Variants in EDIL3 observed in about 807,000 individuals in gnomAD.
EDIL3 encodes the protein EGF like and discoidin domains 3, also known as EGF-like repeat and discoidin I-like domain-containing protein 3.
A neutral mutation model predicts 67.4 loss-of-function variants in EDIL3; 37 were observed. The ratio of observed to expected loss-of-function variants is 0.55; its 90% CI spans 0.42 to 0.72. EDIL3 has a LOEUF of 0.72. Ranked by LOEUF, EDIL3 falls within the 30% of genes least tolerant of loss-of-function variation. The probability of loss-of-function intolerance (pLI) is 0.00; values close to 1 mark genes in which losing one functional copy is unlikely to be tolerated. For missense variants in EDIL3, 527 were observed against 586.3 expected, an observed-to-expected ratio of 0.90 and a Z score of 1.04; for synonymous variants, 195 against 196.3, an observed-to-expected ratio of 0.99 and a Z score of 0.05.
At chr5:83,976,204 T>G (rs758881665) in intron 9 of EDIL3, among the ~76,000 whole-genome samples, 3 of 151,832 alleles carry the variant, frequency 2.0e-5, no homozygotes, top group Non-Finnish European at 4.4e-5. Context: ...TTTTGTAGAG[T>G]AGCATTTTCT....
At position 84,064,839 on chromosome 5, in the gene EDIL3, A is replaced by C. The variant is rs1414476040; in HGVS notation, c.813T>G (p.Phe271Leu). ...GAGTGTTGTTATCAATGTTTCCACGAAACACCTGTGTAAAAACAGTTTAAA... is the reference window on the plus strand; with the variant it reads ...GAGTGTTGTTATCAATGTTTCCACGCAACACCTGTGTAAAAACAGTTTAAA... ...KVKGTNEDMV[F>L]RGNIDNNTPY... Residue 271 changes from phenylalanine to leucine, a missense_variant, in exon 8 of 11, where the codon TTT (phenylalanine) becomes TTG (leucine). This residue lies in a region of EDIL3 where 494 missense variants were observed against 522.5 expected (regional missense o/e 0.95). Coordinates refer to ENST00000296591, the MANE Select transcript of EDIL3 (RefSeq NM_005711.5). 1.2e-6 allele frequency: 2 copies of C among 1,608,636 alleles called. No individual in the cohort carries two copies. Among genetic ancestry groups the C allele is most frequent in the South Asian group, 1.1e-5 (1 of 89,672 alleles).
chr5:84,044,641 C>G (rs1746188680), intron 9 of EDIL3, among the ~76,000 whole-genome samples: 1 of 152,082 alleles, frequency 6.6e-6, no homozygotes, highest in Admixed American at 6.6e-5. Context: ...AAAGGGTCAT[C>G]TGGATAATGG....
chr5:84,288,093 C>T (rs1490341135), intron 1 of EDIL3, among the ~76,000 whole-genome samples: 2 of 152,170 alleles, frequency 1.3e-5, no homozygotes, highest in Non-Finnish European at 2.9e-5. Context: ...CTGATAATTT[C>T]CCCAGACCTA....
At chr5:84,114,669 A>G (rs996846838) in intron 5 of EDIL3, among the ~76,000 whole-genome samples, 1 of 152,162 alleles carries the variant, frequency 6.6e-6, no homozygotes, top group Non-Finnish European at 1.5e-5. Context: ...AATTAGTTAA[A>G]CTTACTTGGA....
intron 6 of EDIL3, among the ~76,000 whole-genome samples, chr5:84,074,781 G>T (rs1024428604): frequency 4.5e-4 from 68 of 152,240 alleles, no homozygotes; most frequent in Non-Finnish European, 8.8e-4. Context: ...CATTGTGGAA[G>T]TCAGTGTGGC....
At chr5:84,082,308 ATAAAAAGTT>A (rs1746985294) in intron 6 of EDIL3, among the ~76,000 whole-genome samples, 1 of 152,232 alleles carries the variant, frequency 6.6e-6, no homozygotes, top group African/African-American at 2.4e-5. Context: ...AATATCACAA[ATAAAAAGTT>A]AAAAGGTACT....
chr5:84,238,623 G>A (rs756531035), intron 2 of EDIL3, among the ~76,000 whole-genome samples: 1 of 132,588 alleles, frequency 7.5e-6, no homozygotes, highest in Non-Finnish European at 1.6e-5. Flanking sequence ...CTGCTTTAGA[G>A]GATTTTTTTT....
intron 9 of EDIL3, among the ~76,000 whole-genome samples, chr5:84,042,907 A>G (rs1352557705): frequency 6.6e-6 from 1 of 152,200 alleles, no homozygotes; most frequent in African/African-American, 2.4e-5. Context: ...AGTTTAATGT[A>G]TGTCAGAACC....
chr5:84,177,128 A>C (rs1029429646), intron 4 of EDIL3, among the ~76,000 whole-genome samples: 3 of 152,134 alleles, frequency 2.0e-5, no homozygotes, highest in Non-Finnish European at 2.9e-5. Context: ...CCACACAAAA[A>C]CCTGCCATGA....
chr5:84,312,328 G>C (rs1322073023), intron 1 of EDIL3, among the ~76,000 whole-genome samples: 8 of 139,838 alleles, frequency 5.7e-5, no homozygotes, highest in East Asian at 4.5e-4. Flanking sequence ...CTGGCCGGGT[G>C]GGGGGCTGAC....
intron 4 of EDIL3, among the ~76,000 whole-genome samples, chr5:84,168,403 T>C (rs960565591): frequency 1.3e-5 from 2 of 152,152 alleles, no homozygotes; most frequent in African/African-American, 2.4e-5. Flanking sequence ...CTAAATAGCA[T>C]TGAATATATT....
chr5:84,371,231 A>G (rs1418625151), intron 1 of EDIL3, among the ~76,000 whole-genome samples: 1 of 150,114 alleles, frequency 6.7e-6, no homozygotes, highest in East Asian at 1.9e-4. Flanking sequence ...CCAGAGAGAG[A>G]TTCTCCCAGG....
chr5:84,129,008 A>T (rs1490394291), intron 5 of EDIL3, among the ~76,000 whole-genome samples: 2 of 152,156 alleles, frequency 1.3e-5, no homozygotes, highest in Non-Finnish European at 2.9e-5. Flanking sequence ...CAAGTCCCAC[A>T]TGGTCTATTT....
intron 1 of EDIL3, among the ~76,000 whole-genome samples, chr5:84,364,726 C>A (rs1438968673): frequency 6.6e-6 from 1 of 151,790 alleles, no homozygotes; most frequent in East Asian, 1.9e-4. Context: ...CATGATAAAT[C>A]TCACACTACA....
chr5:84,188,028 A>G (rs544464071), intron 3 of EDIL3, among the ~76,000 whole-genome samples: 1 of 152,194 alleles, frequency 6.6e-6, no homozygotes, highest in East Asian at 1.9e-4. Flanking sequence ...CATTGAACAA[A>G]AAAGCATTTG....
intron 3 of EDIL3, among the ~76,000 whole-genome samples, chr5:84,223,714 G>A (rs1744395185): frequency 1.3e-5 from 2 of 151,344 alleles, no homozygotes; most frequent in South Asian, 4.2e-4. Context: ...TGAGTACTAT[G>A]GCAATAATAT....
intron 4 of EDIL3, among the ~76,000 whole-genome samples, chr5:84,158,761 T>C (rs776685720): frequency 6.6e-6 from 1 of 152,080 alleles, no homozygotes; most frequent in Non-Finnish European, 1.5e-5. Context: ...TACGCTTACT[T>C]AAAAAACAAA....
chr5:84,307,351 G>A (rs1489882350), intron 1 of EDIL3, among the ~76,000 whole-genome samples: 1 of 152,002 alleles, frequency 6.6e-6, no homozygotes, highest in Non-Finnish European at 1.5e-5. Flanking sequence ...GTGGTGCTGA[G>A]GTAATGTAAA....
At chr5:84,120,031 TTCA>T (rs1747743681) in intron 5 of EDIL3, among the ~76,000 whole-genome samples, 1 of 152,022 alleles carries the variant, frequency 6.6e-6, no homozygotes, top group Admixed American at 6.6e-5. Context: ...GCCAACTCTT[TTCA>T]TAATCTGTTT....
Sources: gnomAD v4.1 joint callset for allele counts (sites outside exome capture counted in the v4.1 genomes callset) on GRCh38, gnomAD v4.1.1 for gene constraint, gnomAD v4.1.1 regional missense constraint, MANE v1.5 for transcripts, NCBI Gene and HGNC (gene_info 2026-07-23, HGNC 2026-07-21) for gene names.